The following KIAA1217 variants were observed in gnomAD, a reference collection of about 807,000 sequenced individuals.
The protein encoded by KIAA1217 is sickle tail protein homolog.
Under a neutral mutation model 163.9 loss-of-function variants are expected in KIAA1217, and 88 were observed. The ratio of observed to expected loss-of-function variants is 0.54; its 90% CI spans 0.45 to 0.64. The LOEUF (loss-of-function observed/expected upper bound fraction) is 0.64, where lower values mean the gene tolerates loss of function less well. Ranked by LOEUF, KIAA1217 falls within the 30% of genes least tolerant of loss-of-function variation. KIAA1217 has a pLI of 0.00. For missense variants in KIAA1217, 2,372 were observed against 2,475.0 expected (o/e 0.96, Z 0.88); for synonymous variants, 903 against 923.1 (o/e 0.98, Z 0.39).
chr10:24,167,450 A>G lies in KIAA1217; in HGVS notation c.-170-52176A>G, dbSNP rs546134803. On this transcript the variant is annotated intron_variant, in intron 2 of 18. Transcript: ENST00000376462. ...AACAGCACAAACTCAGGATGTCTTTATCTTTCCTGTAGTTCTCTACAACAT... is the reference window on the plus strand; with the variant it reads ...AACAGCACAAACTCAGGATGTCTTTGTCTTTCCTGTAGTTCTCTACAACAT... Among the ~76,000 whole-genome samples the G allele has an allele frequency of 9.9e-5, 15 of 152,194 alleles. No individual in the cohort carries two copies. In the South Asian group the frequency reaches 1.9e-3, roughly 19 times the overall value.
At chr10:23,767,981 G>C (rs1834617341) in intron 1 of KIAA1217, among the ~76,000 whole-genome samples, 1 of 152,184 alleles carries the variant, frequency 6.6e-6, no homozygotes, top group Non-Finnish European at 1.5e-5. Context: ...AGAAGGAGGG[G>C]GCTGGCTGGT....
At chr10:23,904,954 C>T (rs1003386021) in intron 1 of KIAA1217, among the ~76,000 whole-genome samples, 1 of 149,808 alleles carries the variant, frequency 6.7e-6, no homozygotes, top group Non-Finnish European at 1.5e-5. Flanking sequence ...AATTCTAAAT[C>T]TTCTTTTTTT....
At chr10:24,150,644 G>A (rs970936022) in intron 2 of KIAA1217, among the ~76,000 whole-genome samples, 4 of 152,192 alleles carry the variant, frequency 2.6e-5, no homozygotes, top group Admixed American at 1.3e-4. Context: ...TAGGGTAGGA[G>A]TTTATAGATA....
intron 2 of KIAA1217, among the ~76,000 whole-genome samples, chr10:24,013,829 G>C (rs1847355830): frequency 6.6e-6 from 1 of 152,068 alleles, no homozygotes; most frequent in African/African-American, 2.4e-5. Context: ...CATGAGGGGA[G>C]GGAAGGAGAG....
chr10:24,406,036 G>C (rs2057172658), intron 3 of KIAA1217, among the ~76,000 whole-genome samples: 1 of 152,174 alleles, frequency 6.6e-6, no homozygotes, highest in East Asian at 1.9e-4. Context: ...TGACCAAAGT[G>C]TGGACAAAAC....
At chr10:24,052,702 A>C (rs1849600274) in intron 2 of KIAA1217, among the ~76,000 whole-genome samples, 1 of 152,124 alleles carries the variant, frequency 6.6e-6, no homozygotes, top group Non-Finnish European at 1.5e-5. Flanking sequence ...AAATAACCAG[A>C]ATTAGTATAG....
At chr10:24,342,399 G>C (rs906236872) in intron 2 of KIAA1217, among the ~76,000 whole-genome samples, 2 of 152,092 alleles carry the variant, frequency 1.3e-5, no homozygotes, top group African/African-American at 4.8e-5. Context: ...CATACGTTAA[G>C]CTGTGCACAC....
intron 1 of KIAA1217, among the ~76,000 whole-genome samples, chr10:23,777,065 G>C (rs1835039090): frequency 1.3e-5 from 2 of 152,188 alleles, no homozygotes; most frequent in South Asian, 2.1e-4. Flanking sequence ...CTTATTGTCA[G>C]GTCAGCCTGA....
chr10:23,909,952 C>G (rs1842358851), intron 1 of KIAA1217, among the ~76,000 whole-genome samples: 2 of 152,274 alleles, frequency 1.3e-5, no homozygotes, highest in African/African-American at 2.4e-5. Flanking sequence ...TCCTCTCCAG[C>G]ATCTGTCGTT....
intron 1 of KIAA1217, among the ~76,000 whole-genome samples, chr10:23,960,352 A>G (rs1180673204): frequency 6.6e-6 from 1 of 150,978 alleles, no homozygotes; most frequent in Admixed American, 6.6e-5. Context: ...TCTGCCTCCC[A>G]GTTCCAGCAA....
Position 24,520,187 on chromosome 10 carries a change from C to G in KIAA1217, c.2242C>G (p.Leu748Val), listed in dbSNP as rs1274976289. 1 of 1,614,130 alleles carries G rather than the reference C, an allele frequency of 6.2e-7. No homozygotes were observed. The highest frequency in any genetic ancestry group is 8.5e-7 in the Non-Finnish European group (1 of 1,180,018). Residue 748 changes from leucine (L) to valine (V), a missense_variant, in exon 11 of 21, where the codon CTG (leucine) becomes GTG (valine). Around this residue, in one of 3 missense-constraint regions of KIAA1217, gnomAD observed 1,431 missense variants for 1,470.3 expected, o/e 0.97. Coordinates refer to ENST00000376454, the MANE Select transcript of KIAA1217 (RefSeq NM_019590.5). ...CACGGCAGCCAGCCGATTGGTTACT[C>G]TGAAAGACGTGGAAGACGGGGCTTT... is the stretch of plus-strand genomic sequence containing the variant. ...DSTAASRLVT[L>V]KDVEDGAFLL...
intron 1 of KIAA1217, among the ~76,000 whole-genome samples, chr10:23,762,392 G>A (rs943266656): frequency 3.3e-5 from 5 of 151,802 alleles, no homozygotes; most frequent in Admixed American, 6.6e-5. Context: ...ACCAAATCCA[G>A]TAGCACATCA....
chr10:24,351,401 C>T (rs1591224779), intron 2 of KIAA1217, among the ~76,000 whole-genome samples: 1 of 152,142 alleles, frequency 6.6e-6, no homozygotes, highest in East Asian at 1.9e-4. Flanking sequence ...TGACCATGCC[C>T]TTTATGGCAC....
In KIAA1217 at chr10:23,815,149, CA is replaced by C. The variant is rs529095996; in HGVS notation, c.-321+119921del. ...TTATTATCTTGTTGTGATAACAGCA[CA>C]AAAAATGAAGAACTTAAAATTGAGG... On this transcript the variant is annotated intron_variant, in intron 1 of 18. Coordinates refer to the KIAA1217 transcript ENST00000376462. 5.9e-5 allele frequency among the ~76,000 whole-genome samples: 9 copies of C among 151,538 alleles called. No individual in the cohort carries two copies. In the East Asian group the frequency reaches 9.7e-4, roughly 16 times the overall value.
At chr10:23,789,314 G>C (rs1835633069) in intron 1 of KIAA1217, among the ~76,000 whole-genome samples, 1 of 152,128 alleles carries the variant, frequency 6.6e-6, no homozygotes, top group South Asian at 2.1e-4. Flanking sequence ...GTATTGTACA[G>C]TACACTGATT....
chr10:24,000,953 C>T (rs1398389247), intron 1 of KIAA1217, among the ~76,000 whole-genome samples: 2 of 152,148 alleles, frequency 1.3e-5, no homozygotes, highest in African/African-American at 4.8e-5. Flanking sequence ...ATGGCCTGAA[C>T]TTTTGAATGA....
chr10:24,063,055 G>C (rs1279010737), intron 2 of KIAA1217, among the ~76,000 whole-genome samples: 2 of 151,912 alleles, frequency 1.3e-5, no homozygotes, highest in Non-Finnish European at 2.9e-5. Context: ...TGTCAGATGA[G>C]TAGGTTGCAA....
rs1397603771 is a variant in KIAA1217, at chr10:23,704,196, A to G, written c.-321+8962A>G. ...TGTATATATATATATATATATATAT[A>G]TATATATATATATATAGTGAGCTCA... On this transcript the variant is annotated intron_variant, in intron 1 of 18. Coordinates refer to the KIAA1217 transcript ENST00000376462. 2.1e-4 allele frequency among the ~76,000 whole-genome samples: 27 copies of G among 126,176 alleles called. 1 individual carries two copies. The highest frequency in any genetic ancestry group is 3.9e-3 in the Middle Eastern group (1 of 258). 82.8% of individuals were successfully genotyped at this position (126,176 alleles called of 152,430 possible). A position where few individuals can be genotyped will look rare whatever the true frequency, so the allele number is the denominator to read the frequency against.
At chr10:24,239,217 G>A in intron 2 of KIAA1217, 1 of 985,324 alleles carries the variant, frequency 1.0e-6, no homozygotes, top group Non-Finnish European at 1.2e-6. Flanking sequence ...CCCAGACATG[G>A]AGGGGGGTTT....
Sources: allele counts gnomAD v4.1 joint callset (sites outside exome capture counted in the v4.1 genomes callset), GRCh38; gene constraint gnomAD v4.1.1; regional missense constraint gnomAD v4.1.1; transcripts MANE v1.5; gene names NCBI Gene and HGNC (gene_info 2026-07-23, HGNC 2026-07-21).